ACAP2: variants seen among roughly 807,000 people sequenced by gnomAD.
ACAP2 encodes the protein arf-GAP with coiled-coil, ANK repeat and PH domain-containing protein 2.
Under a neutral mutation model 115.8 loss-of-function variants are expected in ACAP2, and 39 were observed. The observed-to-expected ratio is 0.34, with a 90% confidence interval of 0.26 to 0.44. The LOEUF (loss-of-function observed/expected upper bound fraction) is 0.44, where lower values mean the gene tolerates loss of function less well. Among genes scored for constraint, ACAP2 ranks in the 20% least tolerant of loss-of-function variants. The pLI is 1.00. For synonymous variants in ACAP2, 289 were observed against 315.8 expected, an observed-to-expected ratio of 0.92 and a Z score of 0.90; for missense variants, 662 against 927.6, an observed-to-expected ratio of 0.71 and a Z score of 3.72.
Position 195,342,512 on chromosome 3 carries a change from T to C in ACAP2, c.487A>G (p.Arg163Gly). The change falls in exon 6 of 23, where the codon AGA becomes GGA. Residue 163 changes from arginine to glycine, a missense_variant. Arg to Gly is a moderately radical substitution (Grantham distance 125). Transcript: ENST00000326793. ...EEATNILTAT[R>G]KCFRHIALDY... ...AGGGCTATGTGTCGGAAACATTTTC[T>C]TGTTGCTGTCAGAATGTTGGTGGCT... 6.2e-7 allele frequency: 1 copy of C among 1,611,040 alleles called. No individual in the cohort carries two copies. The highest frequency in any genetic ancestry group is 8.5e-7 in the Non-Finnish European group (1 of 1,179,310).
chr3:195,296,571 T>C (rs368135835), intron 16 of ACAP2, among the ~76,000 whole-genome samples: 11 of 152,176 alleles, frequency 7.2e-5, no homozygotes, highest in African/African-American at 2.4e-4. Context: ...TCAAATACAA[T>C]TGGTCATACA....
chr3:195,434,939 G>C (rs776921211), intron 1 of ACAP2, among the ~76,000 whole-genome samples: 2 of 151,866 alleles, frequency 1.3e-5, no homozygotes, highest in African/African-American at 2.4e-5. Flanking sequence ...TTTCACTCTT[G>C]AATGAAGTAA....
Position 195,345,333 on chromosome 3 carries a change from T to C in ACAP2, c.286-16A>G. On this transcript the variant is annotated splice_polypyrimidine_tract_variant and intron_variant, in intron 4 of 22. Transcript: ENST00000326793. ...CAAACAGGATCTAAAAAATAAAATG[T>C]AATATTAAGTGATTAGAAAAGTAAA... The C allele has an allele frequency of 6.6e-7, 1 of 1,511,892 alleles. No individual in the cohort carries two copies. Among genetic ancestry groups the C allele is most frequent in the Non-Finnish European group, 9.2e-7 (1 of 1,089,090 alleles). The allele number at this position is 1,511,892 out of a possible 1,614,324, so 93.7% of individuals were successfully genotyped here. A position where few individuals can be genotyped will look rare whatever the true frequency, so the allele number is the denominator to read the frequency against.
intron 1 of ACAP2, among the ~76,000 whole-genome samples, chr3:195,435,299 C>T (rs1369025661): frequency 2.7e-5 from 4 of 150,210 alleles, no homozygotes; most frequent in African/African-American, 5.0e-5. Flanking sequence ...CTCAGCCTCC[C>T]GAGTAGCTGG....
chr3:195,405,047 G>A (rs536071208), intron 1 of ACAP2, among the ~76,000 whole-genome samples: 3 of 151,902 alleles, frequency 2.0e-5, no homozygotes, highest in South Asian at 4.1e-4. Context: ...TGATCCGCCC[G>A]CCCCAGCCTC....
chr3:195,404,164 C>T (rs1005790894), intron 1 of ACAP2, among the ~76,000 whole-genome samples: 4 of 151,982 alleles, frequency 2.6e-5, no homozygotes, highest in Admixed American at 2.0e-4. Flanking sequence ...AACATACATA[C>T]ATACACACAT....
intron 20 of ACAP2, among the ~76,000 whole-genome samples, chr3:195,289,853 T>G (rs1351253794): frequency 3.4e-5 from 5 of 147,676 alleles, no homozygotes; most frequent in African/African-American, 1.2e-4. Context: ...CAGGTATCTA[T>G]AAACCTAAAT....
chr3:195,319,383 G>T (rs1180723755), intron 10 of ACAP2, among the ~76,000 whole-genome samples: 1 of 152,214 alleles, frequency 6.6e-6, no homozygotes, highest in Non-Finnish European at 1.5e-5. Context: ...CAGAAGGGTA[G>T]ATCCACCAAC....
chr3:195,291,565 A>G (rs1368825694), intron 20 of ACAP2, 141 bp downstream of exon 20: 2 of 575,872 alleles, frequency 3.5e-6, no homozygotes, highest in African/African-American at 3.9e-5. Context: ...TAACTTTCAA[A>G]TTCCATCGTG....
chr3:195,315,433 G>A (rs1184428680), intron 10 of ACAP2, among the ~76,000 whole-genome samples: 4 of 152,208 alleles, frequency 2.6e-5, no homozygotes, highest in Non-Finnish European at 5.9e-5. Flanking sequence ...TCCTAATAAC[G>A]TAAGTGCTTC....
chr3:195,320,262 T>G (rs886305482), intron 10 of ACAP2, among the ~76,000 whole-genome samples: 2 of 151,998 alleles, frequency 1.3e-5, no homozygotes, highest in Non-Finnish European at 2.9e-5. Flanking sequence ...AAGCAAACAC[T>G]AAGTAAAAAT....
intron 21 of ACAP2, among the ~76,000 whole-genome samples, chr3:195,287,216 A>G (rs1417283032): frequency 1.3e-5 from 2 of 152,226 alleles, no homozygotes; most frequent in Non-Finnish European, 2.9e-5. Flanking sequence ...AACATGCTTG[A>G]GATTTCCTAC....
At chr3:195,319,513 C>A (rs1048687380) in intron 10 of ACAP2, among the ~76,000 whole-genome samples, 3 of 152,228 alleles carry the variant, frequency 2.0e-5, no homozygotes, top group Non-Finnish European at 4.4e-5. Flanking sequence ...GGGAACCCAC[C>A]CGCTGCATAG....
At chr3:195,297,388 C>A in intron 15 of ACAP2, 107 bp from the exon 16 acceptor site, 1 of 829,810 alleles carries the variant, frequency 1.2e-6, no homozygotes, top group Non-Finnish European at 1.8e-6. Flanking sequence ...TCCCCTTACA[C>A]ATTCTGCAGA....
intron 13 of ACAP2, among the ~76,000 whole-genome samples, chr3:195,305,461 T>G (rs978924878): frequency 1.3e-5 from 2 of 152,166 alleles, no homozygotes; most frequent in African/African-American, 4.8e-5. Context: ...CAAGACCTTT[T>G]CAGATATGCA....
At chr3:195,397,457 C>T (rs1486584132) in intron 1 of ACAP2, among the ~76,000 whole-genome samples, 1 of 152,138 alleles carries the variant, frequency 6.6e-6, no homozygotes, top group Admixed American at 6.6e-5. Context: ...ACACAGCACA[C>T]ACTCTAGAAA....
At chr3:195,357,831 G>A (rs925887693) in intron 4 of ACAP2, 2 of 152,252 alleles carry the variant, frequency 1.3e-5, no homozygotes, top group Non-Finnish European at 2.9e-5. Flanking sequence ...GCATGGCTGG[G>A]GAGGCCTCAG....
chr3:195,433,291 GTTAT>G (rs1715280835), intron 1 of ACAP2, among the ~76,000 whole-genome samples: 1 of 151,872 alleles, frequency 6.6e-6, no homozygotes, highest in African/African-American at 2.4e-5. Flanking sequence ...CTTTGTTATC[GTTAT>G]TTTTTATTGT....
At chr3:195,410,466 A>G (rs1713163975) in intron 1 of ACAP2, among the ~76,000 whole-genome samples, 1 of 152,206 alleles carries the variant, frequency 6.6e-6, no homozygotes. Context: ...AGAGTAAAAA[A>G]TCCATCCACA....
Sources: gnomAD v4.1 joint callset for allele counts (sites outside exome capture counted in the v4.1 genomes callset) on GRCh38, gnomAD v4.1.1 for gene constraint, MANE v1.5 for transcripts, NCBI Gene and HGNC (gene_info 2026-07-23, HGNC 2026-07-21) for gene names.